The following RAB8B variants were observed in gnomAD, a reference collection of about 807,000 sequenced individuals.
RAB8B encodes the protein RAB8B, member RAS oncogene family, also known as ras-related protein Rab-8B.
Under a neutral mutation model 32.0 loss-of-function variants are expected in RAB8B, and 11 were observed. That is an observed-to-expected ratio of 0.34 (90% confidence interval 0.22 to 0.57). The LOEUF (loss-of-function observed/expected upper bound fraction) is 0.57, where lower values mean the gene tolerates loss of function less well. RAB8B is among the 20% of genes least tolerant of loss of function. The probability of loss-of-function intolerance (pLI) is 0.86; values close to 1 mark genes in which losing one functional copy is unlikely to be tolerated. For synonymous variants in RAB8B, 103 were observed against 89.6 expected (o/e 1.15, Z -0.85); for missense variants, 190 against 258.5 (o/e 0.73, Z 1.82).
At chr15:63,237,757 T>G (rs2037993993) in intron 1 of RAB8B, among the ~76,000 whole-genome samples, 1 of 152,176 alleles carries the variant, frequency 6.6e-6, no homozygotes, top group South Asian at 2.1e-4. Context: ...GTTTGTTCAT[T>G]TTTGCATTGG....
At position 63,266,445 on chromosome 15, in the gene RAB8B, C is replaced by G. The variant is rs1479371214; in HGVS notation, c.*2826C>G. 1 of 152,576 alleles carries G rather than the reference C, an allele frequency of 6.6e-6. No homozygotes were observed. The highest frequency in any genetic ancestry group is 1.5e-5 in the Non-Finnish European group (1 of 67,976). The allele number at this position is 152,576 out of a possible 1,614,324, so 9.5% of individuals were successfully genotyped here. A position where few individuals can be genotyped will look rare whatever the true frequency, so the allele number is the denominator to read the frequency against. On this transcript the variant is annotated 3_prime_UTR_variant, in exon 8 of 8. Coordinates refer to ENST00000321437, the MANE Select transcript of RAB8B (RefSeq NM_016530.3). ...TTAGTAGGTGCTGCAGGGTTTCTTA[C>G]TATTTACAGAAACATTTTGTGCAGT...
chr15:63,266,673 G>A lies in RAB8B; in HGVS notation c.*3054G>A, dbSNP rs769938899. 6.6e-6 allele frequency: 1 copy of A among 152,542 alleles called. No homozygotes were observed. The highest frequency in any genetic ancestry group is 1.5e-5 in the Non-Finnish European group (1 of 67,980). 9.4% of individuals were successfully genotyped at this position (152,542 alleles called of 1,614,324 possible). ...AGGTAGGAAATATTAGTTTAGGATA[G>A]AGCATACATGTCATATCCAGTAGCA... On this transcript the variant is annotated 3_prime_UTR_variant, in exon 8 of 8. Transcript: ENST00000321437.
chr15:63,224,667 CTCAGAGGCTCAAAGA>C (rs2037874068), intron 1 of RAB8B, among the ~76,000 whole-genome samples: 1 of 152,156 alleles, frequency 6.6e-6, no homozygotes, highest in African/African-American at 2.4e-5. Context: ...GCTAAGCATA[CTCAGAGGCTCAAAGA>C]ACTAATTCCT....
intron 1 of RAB8B, among the ~76,000 whole-genome samples, chr15:63,234,081 T>C (rs1475252396): frequency 6.6e-6 from 1 of 152,188 alleles, no homozygotes; most frequent in Non-Finnish European, 1.5e-5. Flanking sequence ...GATGTTTTTC[T>C]ACCCCTGATT....
intron 1 of RAB8B, among the ~76,000 whole-genome samples, chr15:63,220,176 C>G (rs182355711): frequency 5.1e-4 from 78 of 152,174 alleles, no homozygotes; most frequent in African/African-American, 1.8e-3. Context: ...AAAAATCACC[C>G]GAACCCCTAA....
At chr15:63,197,392 A>AGTGTTTTTTTTTTTG (rs2037611982) in intron 1 of RAB8B, among the ~76,000 whole-genome samples, 1 of 102,260 alleles carries the variant, frequency 9.8e-6, no homozygotes, top group South Asian at 3.6e-4. Flanking sequence ...TTTTTTTTTT[A>AGTGTTTTTTTTTTTG]AGACAGAGTC....
intron 1 of RAB8B, among the ~76,000 whole-genome samples, chr15:63,197,396 CAG>C (rs1408322341): frequency 3.7e-5 from 2 of 54,490 alleles, no homozygotes; most frequent in African/African-American, 1.6e-4. Flanking sequence ...TTTTTTAAGA[CAG>C]AGTCTTGTTC....
intron 1 of RAB8B, among the ~76,000 whole-genome samples, chr15:63,198,691 T>A (rs2141107870): frequency 6.6e-6 from 1 of 152,342 alleles, no homozygotes; most frequent in East Asian, 1.9e-4. Context: ...GTAATTATTT[T>A]AATAAATCAT....
At chr15:63,196,257 G>A (rs1259598173) in intron 1 of RAB8B, among the ~76,000 whole-genome samples, 1 of 152,198 alleles carries the variant, frequency 6.6e-6, no homozygotes, top group East Asian at 1.9e-4. Flanking sequence ...TTGCAAAGCA[G>A]GCATGGCCAT....
At chr15:63,197,115 C>T (rs2037606869) in intron 1 of RAB8B, among the ~76,000 whole-genome samples, 1 of 151,878 alleles carries the variant, frequency 6.6e-6, no homozygotes, top group Non-Finnish European at 1.5e-5. Context: ...TGGATTAGAC[C>T]TGGACTGAGC....
rs547676558 is a variant in RAB8B at position 63,211,258 on chromosome 15, GT to G, written c.124+21511del. Among the ~76,000 whole-genome samples the G allele has an allele frequency of 3.6e-3, 550 of 152,318 alleles. 6 individuals carry two copies. The highest frequency in any genetic ancestry group is 3.6e-3 in the Non-Finnish European group (244 of 68,018). On this transcript the variant is annotated intron_variant, in intron 1 of 7. Transcript: ENST00000321437. ...GTAGAATATCCTTTGTAGATCGGAA[GT>G]ATAGAAATTACTGAGAATACTGGGA...
chr15:63,217,671 A>T (rs933917096), intron 1 of RAB8B, among the ~76,000 whole-genome samples: 1 of 152,244 alleles, frequency 6.6e-6, no homozygotes. Context: ...GTATAATTAA[A>T]GCATTGCCTT....
intron 1 of RAB8B, among the ~76,000 whole-genome samples, chr15:63,207,730 TC>T: frequency 6.6e-6 from 1 of 152,058 alleles, no homozygotes; most frequent in African/African-American, 2.4e-5. Flanking sequence ...CGGCAAATTT[TC>T]TTTTTTGGTA....
At chr15:63,219,450 T>TC (rs1023394301) in intron 1 of RAB8B, among the ~76,000 whole-genome samples, 1 of 83,658 alleles carries the variant, frequency 1.2e-5, no homozygotes, top group African/African-American at 4.6e-5. Context: ...CAGACCAACT[T>TC]TTTTTTTTTT....
At chr15:63,222,516 T>TTGA (rs202070874) in intron 1 of RAB8B, among the ~76,000 whole-genome samples, 15 of 152,204 alleles carry the variant, frequency 9.9e-5, no homozygotes, top group Admixed American at 3.3e-4. Context: ...GTCCCATAAG[T>TTGA]TGATGATGAT....
At chr15:63,190,412 A>C (rs1388586061) in intron 1 of RAB8B, among the ~76,000 whole-genome samples, 1 of 152,094 alleles carries the variant, frequency 6.6e-6, no homozygotes, top group Non-Finnish European at 1.5e-5. Context: ...TACTTGATGG[A>C]GAAAGTAAAG....
chr15:63,203,308 C>G (rs2037668393), intron 1 of RAB8B, among the ~76,000 whole-genome samples: 1 of 152,184 alleles, frequency 6.6e-6, no homozygotes, highest in Non-Finnish European at 1.5e-5. Flanking sequence ...GCTAAAAGAA[C>G]TTGGGCTTTT....
chr15:63,207,287 C>G (rs754906878), intron 1 of RAB8B, among the ~76,000 whole-genome samples: 1 of 152,136 alleles, frequency 6.6e-6, no homozygotes, highest in Non-Finnish European at 1.5e-5. Context: ...TAGCGCAGTG[C>G]GGGGCACGTA....
Position 63,200,116 on chromosome 15 carries a change from C to T in RAB8B, c.124+10368C>T, listed in dbSNP as rs773049543. On this transcript the variant is annotated intron_variant, in intron 1 of 7. Transcript: ENST00000321437. The stretch of plus-strand genomic sequence containing the variant: ...GTGCAGGCCTCGATGGTCTTCAGGT[C>T]TCTTCTGGCTGCAGCATTCTGTGAG... Among the ~76,000 whole-genome samples, 77 of 152,190 alleles carry T rather than the reference C, an allele frequency of 5.1e-4. 1 individual carries two copies. Among genetic ancestry groups the T allele is most frequent in the East Asian group, 1.9e-4 (1 of 5,200 alleles).
Sources: allele counts gnomAD v4.1 joint callset (sites outside exome capture counted in the v4.1 genomes callset), GRCh38; gene constraint gnomAD v4.1.1; transcripts MANE v1.5; gene names NCBI Gene and HGNC (gene_info 2026-07-23, HGNC 2026-07-21).